Variants in CREB5 observed in about 807,000 individuals in gnomAD.
The protein encoded by CREB5 is cAMP responsive element binding protein 5, also known as cyclic AMP-responsive element-binding protein 5.
CREB5 carries 19 observed loss-of-function variants against 57.1 expected under a neutral mutation model. The ratio of observed to expected loss-of-function variants is 0.33; its 90% CI spans 0.23 to 0.49. CREB5 has a LOEUF of 0.49. CREB5 is among the 20% of genes least tolerant of loss of function. CREB5 has a pLI of 0.99. For synonymous variants in CREB5, 238 were observed against 238.3 expected, an observed-to-expected ratio of 1.00 and a Z score of 0.01; for missense variants, 579 against 671.6, an observed-to-expected ratio of 0.86 and a Z score of 1.52.
chr7:28,612,440 G>A (rs1250039649), intron 5 of CREB5, among the ~76,000 whole-genome samples: 1 of 151,980 alleles, frequency 6.6e-6, no homozygotes, highest in Non-Finnish European at 1.5e-5. Flanking sequence ...TTAAAAAAAT[G>A]TATGCTGTGC....
chr7:28,342,615 A>T (rs1785959171), intron 1 of CREB5, among the ~76,000 whole-genome samples: 1 of 152,252 alleles, frequency 6.6e-6, no homozygotes, highest in African/African-American at 2.4e-5. Context: ...ATACAGTAGT[A>T]ATACTAAAAA....
intron 5 of CREB5, among the ~76,000 whole-genome samples, chr7:28,711,083 G>C (rs532669635): frequency 1.7e-4 from 26 of 152,346 alleles, no homozygotes; most frequent in African/African-American, 6.3e-4. Flanking sequence ...TCAGAGGCCA[G>C]ATGGTGCAAG....
Position 28,718,869 on chromosome 7 carries a change from T to C in CREB5, c.581T>C (p.Val194Ala), listed in dbSNP as rs1802859265. ...PNPTMPGSSA[V>A]LMPMERQMSV... ...CCTACAATGCCAGGATCTTCCGCCG[T>C]CTTGATGCCAGTAAGTGTTTCTGTG... The change falls in exon 6 of 11, where the codon GTC becomes GCC. Residue 194 changes from valine (V) to alanine (A), a missense_variant. Val to Ala is a moderately conservative substitution (Grantham distance 64). Coordinates refer to ENST00000357727, the MANE Select transcript of CREB5 (RefSeq NM_182898.4). The C allele has an allele frequency of 6.2e-7, 1 of 1,613,940 alleles. No homozygotes were observed. Among genetic ancestry groups the C allele is most frequent in the African/African-American group, 1.3e-5 (1 of 74,900 alleles).
At chr7:28,494,788 T>TG in intron 2 of CREB5, 118 bp from the exon 3 acceptor site, 1 of 631,470 alleles carries the variant, frequency 1.6e-6, no homozygotes, top group Non-Finnish European at 2.6e-6. Context: ...TTTTTTTTTT[T>TG]GTTTTGCCTG....
chr7:28,499,830 C>T (rs1792203777), intron 3 of CREB5, among the ~76,000 whole-genome samples: 1 of 152,064 alleles, frequency 6.6e-6, no homozygotes. Context: ...TGATCTGCCC[C>T]GCTTGGCCTC....
intron 1 of CREB5, among the ~76,000 whole-genome samples, chr7:28,380,555 A>G (rs1786947159): frequency 1.3e-5 from 2 of 152,170 alleles, no homozygotes; most frequent in Non-Finnish European, 1.5e-5. Context: ...GAAGGTAAAC[A>G]TCAGTATGCA....
At chr7:28,534,093 G>A (rs1470397312) in intron 4 of CREB5, among the ~76,000 whole-genome samples, 1 of 152,174 alleles carries the variant, frequency 6.6e-6, no homozygotes, top group Non-Finnish European at 1.5e-5. Context: ...GACCCACAGG[G>A]CCTCAGGCCT....
intron 9 of CREB5, among the ~76,000 whole-genome samples, chr7:28,815,940 G>A (rs1214252036): frequency 1.3e-5 from 2 of 152,106 alleles, no homozygotes; most frequent in African/African-American, 4.8e-5. Context: ...ATTATCTGCA[G>A]CTGAGAGCTT....
chr7:28,514,223 T>G (rs1792834895), intron 4 of CREB5, among the ~76,000 whole-genome samples: 1 of 152,190 alleles, frequency 6.6e-6, no homozygotes, highest in African/African-American at 2.4e-5. Context: ...AGTGCTTGAT[T>G]ATTTGGCAGC....
chr7:28,692,280 GGACTCC>G (rs528100732), intron 5 of CREB5, among the ~76,000 whole-genome samples: 198 of 152,058 alleles, frequency 1.3e-3, no homozygotes, highest in Non-Finnish European at 2.4e-3. Context: ...CCTTCAAAGG[GGACTCC>G]TTTTACATTG....
At chr7:28,575,162 C>A (rs898610575) in intron 5 of CREB5, among the ~76,000 whole-genome samples, 2 of 152,096 alleles carry the variant, frequency 1.3e-5, no homozygotes, top group Non-Finnish European at 2.9e-5. Context: ...AACAAACAAG[C>A]AAACAAAGAA....
intron 1 of CREB5, among the ~76,000 whole-genome samples, chr7:28,360,645 A>G (rs1038704522): frequency 1.3e-5 from 2 of 152,214 alleles, no homozygotes; most frequent in African/African-American, 4.8e-5. Context: ...TTGAGGTAAT[A>G]GATAAGCTAA....
At chr7:28,687,483 G>T (rs1801002449) in intron 5 of CREB5, among the ~76,000 whole-genome samples, 1 of 150,306 alleles carries the variant, frequency 6.7e-6, no homozygotes, top group Admixed American at 6.7e-5. Context: ...CTGTTTCATA[G>T]AATAGATTTC....
intron 7 of CREB5, among the ~76,000 whole-genome samples, chr7:28,798,005 G>T (rs1371046642): frequency 6.6e-6 from 1 of 151,884 alleles, no homozygotes; most frequent in Non-Finnish European, 1.5e-5. Context: ...AGAGGCCACA[G>T]AGGCCAATTA....
intron 5 of CREB5, among the ~76,000 whole-genome samples, chr7:28,630,960 C>T (rs75721046): frequency 0.011 from 1,675 of 152,176 alleles, 28 homozygotes; most frequent in African/African-American, 0.038. Flanking sequence ...ATGAGGAAAC[C>T]AGGCAGAAAC....
At chr7:28,322,006 G>A (rs547601420) in intron 1 of CREB5, among the ~76,000 whole-genome samples, 7 of 152,114 alleles carry the variant, frequency 4.6e-5, no homozygotes, top group African/African-American at 1.7e-4. Context: ...TTAGTGAGAC[G>A]AACACAAATT....
At position 28,438,900 on chromosome 7, in the gene CREB5, C is replaced by T. The variant is rs182781935; in HGVS notation, c.3+25983C>T. ...AGCAAGTTTTGAAATACAGGTCCAA[C>T]ATTTTTGTGGGAAAGGAGCAAACAG... On this transcript the variant is annotated intron_variant, in intron 1 of 10. Transcript: ENST00000357727. Among the ~76,000 whole-genome samples the T allele has an allele frequency of 9.9e-4, 150 of 152,228 alleles. 1 individual carries two copies. Among genetic ancestry groups the T allele is most frequent in the Admixed American group, 6.9e-3 (105 of 15,280 alleles).
chr7:28,558,364 C>T (rs1286548958), intron 4 of CREB5, among the ~76,000 whole-genome samples: 1 of 152,218 alleles, frequency 6.6e-6, no homozygotes, highest in Non-Finnish European at 1.5e-5. Flanking sequence ...ACAGCAGTAA[C>T]TTACATTTGC....
At chr7:28,656,374 T>C (rs1163551152) in intron 5 of CREB5, among the ~76,000 whole-genome samples, 1 of 152,220 alleles carries the variant, frequency 6.6e-6, no homozygotes, top group Non-Finnish European at 1.5e-5. Flanking sequence ...TCAGAGTCAA[T>C]GTGATAATGT....
Sources: gnomAD v4.1 joint callset for allele counts (sites outside exome capture counted in the v4.1 genomes callset) on GRCh38, gnomAD v4.1.1 for gene constraint, MANE v1.5 for transcripts, NCBI Gene and HGNC (gene_info 2026-07-23, HGNC 2026-07-21) for gene names.